The following RALGAPA2 variants were observed in gnomAD, a reference collection of about 807,000 sequenced individuals.
RALGAPA2 encodes the protein Ral GTPase activating protein catalytic subunit alpha 2.
Under a neutral mutation model 230.4 loss-of-function variants are expected in RALGAPA2, and 139 were observed. The ratio of observed to expected loss-of-function variants is 0.60; its 90% CI spans 0.53 to 0.69. RALGAPA2 has a LOEUF of 0.69. Among genes scored for constraint, RALGAPA2 ranks in the 30% least tolerant of loss-of-function variants. RALGAPA2 has a pLI of 0.00. For synonymous variants in RALGAPA2, 847 were observed against 837.8 expected (o/e 1.01, Z -0.19); for missense variants, 2,163 against 2,276.0 (o/e 0.95, Z 1.01).
Position 20,526,199 on chromosome 20 carries a change from A to G in RALGAPA2, c.3693+53T>C, listed in dbSNP as rs1242185240. ...ATATCTATAATTAATTAAATATCAA[A>G]TACAGTAAAAAGGAAATGCTTATGT... On this transcript the variant is annotated intron_variant, in intron 28 of 39. Coordinates refer to ENST00000202677, the MANE Select transcript of RALGAPA2 (RefSeq NM_020343.4). 32 of 1,255,730 alleles carry G rather than the reference A, an allele frequency of 2.5e-5. No homozygotes were observed. In the East Asian group the frequency reaches 7.1e-4, roughly 28 times the overall value. The allele number at this position is 1,255,730 out of a possible 1,614,324, so 77.8% of individuals were successfully genotyped here.
At chr20:20,458,472 A>AT (rs2061182224) in intron 37 of RALGAPA2, among the ~76,000 whole-genome samples, 1 of 136,476 alleles carries the variant, frequency 7.3e-6, no homozygotes, top group Non-Finnish European at 1.5e-5. Context: ...TTTATATAAT[A>AT]TATAATATAT....
At chr20:20,439,423 G>C (rs971129976) in intron 37 of RALGAPA2, among the ~76,000 whole-genome samples, 6 of 152,056 alleles carry the variant, frequency 3.9e-5, no homozygotes, top group Admixed American at 2.0e-4. Flanking sequence ...ATGTTGCCCA[G>C]GCTGGTCTCG....
intron 36 of RALGAPA2, among the ~76,000 whole-genome samples, chr20:20,478,845 C>T (rs2061709579): frequency 6.6e-6 from 1 of 151,284 alleles, no homozygotes; most frequent in African/African-American, 2.4e-5. Context: ...ACATGTACTC[C>T]TGGAATCTAA....
chr20:20,507,707 C>A (rs1239367006), intron 33 of RALGAPA2, among the ~76,000 whole-genome samples: 1 of 152,172 alleles, frequency 6.6e-6, no homozygotes, highest in Non-Finnish European at 1.5e-5. Context: ...TGTCCTCATG[C>A]AGCAGGAAGC....
chr20:20,462,590 T>C (rs2061328293), intron 37 of RALGAPA2, among the ~76,000 whole-genome samples: 1 of 152,134 alleles, frequency 6.6e-6, no homozygotes, highest in Non-Finnish European at 1.5e-5. Flanking sequence ...AATTCCTCAG[T>C]AGTAAAACAG....
intron 27 of RALGAPA2, among the ~76,000 whole-genome samples, chr20:20,530,813 C>G (rs2063349582): frequency 6.6e-6 from 1 of 152,142 alleles, no homozygotes; most frequent in South Asian, 2.1e-4. Flanking sequence ...GTTCCTCCAC[C>G]AGTAAACTGA....
At position 20,591,206 on chromosome 20, in the gene RALGAPA2, G is replaced by C. The variant is rs768010387; in HGVS notation, c.2312C>G (p.Pro771Arg). Residue 771 changes from proline (P) to arginine (R), a missense_variant, in exon 17 of 40, where the codon CCC becomes CGC. Pro to Arg is a moderately radical substitution (Grantham distance 103). Coordinates refer to ENST00000202677, the MANE Select transcript of RALGAPA2 (RefSeq NM_020343.4). Reference protein sequence around the residue: ...VLRSSSTSDIPEPLCSDSSQG... With the variant: ...VLRSSSTSDIREPLCSDSSQG... ...AGAAGAATCTGAGCACAGCGGCTCG[G>C]GGATGTCGGAGGTGCTGCTGCTCCG... 6.2e-7 allele frequency: 1 copy of C among 1,613,824 alleles called. No homozygotes were observed.
intron 36 of RALGAPA2, among the ~76,000 whole-genome samples, chr20:20,489,244 G>A (rs1448762963): frequency 6.6e-6 from 1 of 152,142 alleles, no homozygotes; most frequent in African/African-American, 2.4e-5. Flanking sequence ...AAAGAAGGAG[G>A]AGACTGTTAG....
chr20:20,593,436 G>C (rs1390877754), intron 16 of RALGAPA2, among the ~76,000 whole-genome samples: 1 of 152,226 alleles, frequency 6.6e-6, no homozygotes, highest in Admixed American at 6.5e-5. Context: ...CCTTCTCACA[G>C]ATCTATTTCT....
At chr20:20,608,600 A>C (rs2065890991) in intron 14 of RALGAPA2, among the ~76,000 whole-genome samples, 1 of 152,222 alleles carries the variant, frequency 6.6e-6, no homozygotes, top group African/African-American at 2.4e-5. Flanking sequence ...TTCAAAAAAA[A>C]ATCAAGTGTC....
chr20:20,502,508 T>C (rs1278395393), intron 35 of RALGAPA2, among the ~76,000 whole-genome samples: 1 of 152,192 alleles, frequency 6.6e-6, no homozygotes, highest in Non-Finnish European at 1.5e-5. Flanking sequence ...TCTCACTTAA[T>C]AGATGAAAAA....
chr20:20,611,175 C>T (rs1568646790), intron 14 of RALGAPA2, 140 bp downstream of exon 14: 1 of 1,224,112 alleles, frequency 8.2e-7, no homozygotes. Context: ...AGATCATAAC[C>T]TTCAGGACAA....
intron 2 of RALGAPA2, among the ~76,000 whole-genome samples, chr20:20,678,516 C>T (rs1474916331): frequency 6.6e-6 from 1 of 152,144 alleles, no homozygotes; most frequent in Non-Finnish European, 1.5e-5. Context: ...TCTACACTAT[C>T]CCCTTATCTG....
intron 36 of RALGAPA2, among the ~76,000 whole-genome samples, chr20:20,482,998 G>A (rs138632501): frequency 9.7e-4 from 147 of 152,288 alleles, no homozygotes; most frequent in African/African-American, 3.4e-3. Flanking sequence ...AAGCAACACA[G>A]AGCACCAGGT....
chr20:20,628,586 T>C (rs1603119474), intron 10 of RALGAPA2, among the ~76,000 whole-genome samples: 1 of 151,270 alleles, frequency 6.6e-6, no homozygotes, highest in Non-Finnish European at 1.5e-5. Flanking sequence ...TTCTTTGTCA[T>C]GGTGGGGGTG....
At chr20:20,539,619 G>C (rs535718382) in intron 24 of RALGAPA2, among the ~76,000 whole-genome samples, 6 of 151,654 alleles carry the variant, frequency 4.0e-5, no homozygotes, top group African/African-American at 1.5e-4. Context: ...TTATGCGTGA[G>C]TTGTGAACAC....
chr20:20,609,284 C>G (rs1325751325), intron 14 of RALGAPA2, among the ~76,000 whole-genome samples: 2 of 152,188 alleles, frequency 1.3e-5, no homozygotes. Flanking sequence ...CAAGTGTAAG[C>G]CACCATGCCC....
At chr20:20,446,084 G>C (rs182987321) in intron 37 of RALGAPA2, among the ~76,000 whole-genome samples, 228 of 151,442 alleles carry the variant, frequency 1.5e-3, no homozygotes, top group Non-Finnish European at 2.8e-3. Flanking sequence ...AGGAGCTGTG[G>C]TTAGTAAAAT....
chr20:20,520,830 G>T, intron 31 of RALGAPA2, 87 bp downstream of exon 31: 1 of 1,183,850 alleles, frequency 8.4e-7, no homozygotes, highest in Non-Finnish European at 1.1e-6. Context: ...TCAACAACTA[G>T]ATTAAAAAAA....
Sources: gnomAD v4.1 joint callset for allele counts (sites outside exome capture counted in the v4.1 genomes callset) on GRCh38, gnomAD v4.1.1 for gene constraint, MANE v1.5 for transcripts, NCBI Gene and HGNC (gene_info 2026-07-23, HGNC 2026-07-21) for gene names.